Variants in PRDM16 observed in about 807,000 individuals in gnomAD.
The protein encoded by PRDM16 is histone-lysine N-methyltransferase PRDM16.
In PRDM16, 23 loss-of-function variants were observed where a neutral mutation model predicts 110.6. The ratio of observed to expected loss-of-function variants is 0.21; its 90% CI spans 0.15 to 0.29. PRDM16 has a LOEUF of 0.29. Among genes scored for constraint, PRDM16 ranks in the 10% least tolerant of loss-of-function variants. The pLI, the probability that PRDM16 is intolerant of heterozygous loss-of-function variation, is 1.00. For missense variants in PRDM16, 1,615 were observed against 1,794.3 expected, an observed-to-expected ratio of 0.90 and a Z score of 1.81; for synonymous variants, 799 against 781.8, an observed-to-expected ratio of 1.02 and a Z score of -0.37.
chr1:3,228,858 A>C (rs1639347951), intron 2 of PRDM16, among the ~76,000 whole-genome samples: 1 of 152,180 alleles, frequency 6.6e-6, no homozygotes, highest in Non-Finnish European at 1.5e-5. Context: ...GCGCTGAGCC[A>C]TCACCGCCAC....
chr1:3,291,618 C>T lies in PRDM16; in HGVS notation c.438+47481C>T, dbSNP rs1640975087. ...GGGGCCTCACCAGGCCATGGGCTCC[C>T]TATTAAGTAATCACATCAATGTCCA... On this transcript the variant is annotated intron_variant, in intron 3 of 16. Coordinates refer to ENST00000270722, the MANE Select transcript of PRDM16 (RefSeq NM_022114.4). 2.0e-5 allele frequency among the ~76,000 whole-genome samples: 3 copies of T among 152,194 alleles called. No homozygotes were observed. In the South Asian group the frequency reaches 6.2e-4, roughly 32 times the overall value.
Position 3,425,808 on chromosome 1 carries a change from G to C in PRDM16, c.3109+58G>C. ...CACCCACACGGGCAGGCCCCACAGA[G>C]GGGGAGGGGGAACAGCAGGGGAGTG... is the stretch of plus-strand genomic sequence containing the variant. On this transcript the variant is annotated intron_variant, in intron 13 of 16. Transcript: ENST00000270722. This position sits in a 1 kb window ranked among gnomAD's most constrained non-coding sequence, Gnocchi z 6.9. 1 of 1,596,178 alleles carries C rather than the reference G, an allele frequency of 6.3e-7. No individual in the cohort carries two copies. The highest frequency in any genetic ancestry group is 1.1e-5 in the South Asian group (1 of 89,576).
intron 2 of PRDM16, among the ~76,000 whole-genome samples, chr1:3,195,423 A>G (rs1638449868): frequency 6.6e-6 from 1 of 152,232 alleles, no homozygotes. Context: ...TACTTCCTTA[A>G]GGGGTAATAA....
rs1642662146 is a variant in PRDM16 at position 3,358,853 on chromosome 1, T to G, written c.439-26299T>G. Among the ~76,000 whole-genome samples, 1 of 152,162 alleles carries G rather than the reference T, an allele frequency of 6.6e-6. No homozygotes were observed. On this transcript the variant is annotated intron_variant, in intron 3 of 16. Coordinates refer to ENST00000270722, the MANE Select transcript of PRDM16 (RefSeq NM_022114.4). The surrounding 1 kb of genome is among the most constrained non-coding windows in gnomAD (Gnocchi z 4.0). ...GAGCTCATTCCAAACTCAAGCCATT[T>G]TGAGGAAAACAGACACCCCTCTTGG...
At chr1:3,317,594 C>T (rs374465555) in intron 3 of PRDM16, among the ~76,000 whole-genome samples, 2 of 152,320 alleles carry the variant, frequency 1.3e-5, no homozygotes, top group South Asian at 2.1e-4. Context: ...TCACGTGGGC[C>T]GGATCCCTCC....
intron 1 of PRDM16, among the ~76,000 whole-genome samples, chr1:3,087,361 A>G (rs1302096005): frequency 1.3e-5 from 2 of 152,284 alleles, no homozygotes; most frequent in African/African-American, 4.8e-5. Flanking sequence ...CTTAGCACCC[A>G]GTGCACCACA....
chr1:3,114,875 C>G (rs544086308), intron 1 of PRDM16, among the ~76,000 whole-genome samples: 1 of 152,376 alleles, frequency 6.6e-6, no homozygotes, highest in South Asian at 2.1e-4. Context: ...GAGGAAGAGG[C>G]CCTGGCCGGG....
In PRDM16 at chr1:3,418,636, C is replaced by T. The variant is rs753504847; in HGVS notation, c.2862-31C>T. 2.1e-5 allele frequency: 31 copies of T among 1,475,614 alleles called. No individual in the cohort carries two copies. The South Asian group carries it at 3.3e-4, about 16-fold the overall frequency. 91.4% of individuals were successfully genotyped at this position (1,475,614 alleles called of 1,614,324 possible). Reference sequence around the variant, plus strand: ...GGCCATGTAAGCCCACCCTAATCCTCCCTCACCCTCCCCACCTCCCTCCAC... The same window carrying T: ...GGCCATGTAAGCCCACCCTAATCCTTCCTCACCCTCCCCACCTCCCTCCAC... On this transcript the variant is annotated intron_variant, in intron 11 of 16. Coordinates refer to ENST00000270722, the MANE Select transcript of PRDM16 (RefSeq NM_022114.4).
At chr1:3,335,586 CT>C (rs1557617030) in intron 3 of PRDM16, among the ~76,000 whole-genome samples, 1 of 137,804 alleles carries the variant, frequency 7.3e-6, no homozygotes. Flanking sequence ...GAAATCTAAC[CT>C]TTGGCTGAGG....
chr1:3,145,560 G>A (rs1280843010), intron 1 of PRDM16, among the ~76,000 whole-genome samples: 2 of 152,154 alleles, frequency 1.3e-5, no homozygotes, highest in Non-Finnish European at 2.9e-5. Flanking sequence ...TGCATCCAGG[G>A]CTCTGGTCCC....
At chr1:3,260,026 A>G (rs545812257) in intron 3 of PRDM16, among the ~76,000 whole-genome samples, 1 of 150,124 alleles carries the variant, frequency 6.7e-6, no homozygotes, top group Non-Finnish European at 1.5e-5. Context: ...CACCCTTCCC[A>G]CCTCCCCATA....
At chr1:3,295,404 A>G (rs1199952622) in intron 3 of PRDM16, among the ~76,000 whole-genome samples, 3 of 152,138 alleles carry the variant, frequency 2.0e-5, no homozygotes, top group African/African-American at 4.8e-5. Flanking sequence ...CGGGACTTCC[A>G]TGATGGGCTC....
chr1:3,106,644 G>A (rs1367008420), intron 1 of PRDM16, among the ~76,000 whole-genome samples: 1 of 152,152 alleles, frequency 6.6e-6, no homozygotes, highest in Non-Finnish European at 1.5e-5. Flanking sequence ...TTACACATGG[G>A]GTTTGGGAAA....
intron 1 of PRDM16, among the ~76,000 whole-genome samples, chr1:3,119,064 G>T (rs1210645226): frequency 6.6e-6 from 1 of 152,204 alleles, no homozygotes; most frequent in Admixed American, 6.5e-5. Context: ...GGTGGGAGAC[G>T]GTATGGCCAT....
intron 1 of PRDM16, among the ~76,000 whole-genome samples, chr1:3,138,028 G>T (rs1293495117): frequency 6.6e-6 from 1 of 152,236 alleles, no homozygotes; most frequent in Non-Finnish European, 1.5e-5. Flanking sequence ...CCAGGCAGGG[G>T]TGTCCTGCTG....
At chr1:3,128,778 C>T (rs1332557760) in intron 1 of PRDM16, among the ~76,000 whole-genome samples, 1 of 152,258 alleles carries the variant, frequency 6.6e-6, no homozygotes. Flanking sequence ...GGTTCCCTTA[C>T]TGGAATCCTT....
chr1:3,401,919 G>A (rs1430590809), intron 5 of PRDM16, among the ~76,000 whole-genome samples: 2 of 152,142 alleles, frequency 1.3e-5, no homozygotes, highest in Non-Finnish European at 2.9e-5. Context: ...AGAAACACAT[G>A]CATCCTCACA....
chr1:3,234,690 C>T (rs1438927227), intron 2 of PRDM16, among the ~76,000 whole-genome samples: 2 of 152,232 alleles, frequency 1.3e-5, no homozygotes, highest in Non-Finnish European at 2.9e-5. Context: ...TCCCAGGGGC[C>T]TGGCCCAGGT....
chr1:3,117,425 G>A (rs565328019), intron 1 of PRDM16, among the ~76,000 whole-genome samples: 1 of 152,126 alleles, frequency 6.6e-6, no homozygotes, highest in Non-Finnish European at 1.5e-5. Flanking sequence ...GAGAACGCAG[G>A]GGGAAGGAAC....
Sources: allele counts gnomAD v4.1 joint callset (sites outside exome capture counted in the v4.1 genomes callset), GRCh38; gene constraint gnomAD v4.1.1; non-coding constraint Gnocchi (gnomAD v3.1); transcripts MANE v1.5; gene names NCBI Gene and HGNC (gene_info 2026-07-23, HGNC 2026-07-21).